Variants in KIF1B observed in about 807,000 individuals in gnomAD.
The protein encoded by KIF1B is kinesin family member 1B, also known as kinesin-like protein KIF1B.
KIF1B carries 76 observed loss-of-function variants against 241.9 expected under a neutral mutation model. The ratio of observed to expected loss-of-function variants is 0.31; its 90% CI spans 0.26 to 0.38. The LOEUF (loss-of-function observed/expected upper bound fraction) is 0.38, where lower values mean the gene tolerates loss of function less well. KIF1B is among the 10% of genes least tolerant of loss of function. KIF1B has a pLI of 1.00. For missense variants in KIF1B, 1,622 were observed against 2,271.4 expected (o/e 0.71, Z 5.81); for synonymous variants, 750 against 796.7 (o/e 0.94, Z 0.99).
chr1:10,292,278 T>G, intron 17 of KIF1B, 156 bp downstream of exon 17: 1 of 680,036 alleles, frequency 1.5e-6, no homozygotes, highest in Non-Finnish European at 2.6e-6. Context: ...TAGAGCATGG[T>G]CTTATAGTAC....
At chr1:10,265,475 A>G (rs1043370178) in intron 5 of KIF1B, among the ~76,000 whole-genome samples, 5 of 152,040 alleles carry the variant, frequency 3.3e-5, no homozygotes, top group Admixed American at 1.3e-4. Context: ...AGCTCAAGCA[A>G]TCTGCCCACC....
chr1:10,240,609 T>C (rs566927946), intron 2 of KIF1B, among the ~76,000 whole-genome samples: 9 of 152,292 alleles, frequency 5.9e-5, no homozygotes, highest in African/African-American at 2.2e-4. Flanking sequence ...GAAGATGTTA[T>C]GGAAATTACC....
At chr1:10,269,690 T>A (rs767469406) in intron 7 of KIF1B, among the ~76,000 whole-genome samples, 1 of 150,032 alleles carries the variant, frequency 6.7e-6, no homozygotes, top group Non-Finnish European at 1.5e-5. Context: ...TCATGGTGTG[T>A]GCCGGTAATC....
intron 2 of KIF1B, among the ~76,000 whole-genome samples, chr1:10,240,232 G>A (rs116817107): frequency 0.019 from 2,846 of 150,482 alleles, 41 homozygotes; most frequent in Non-Finnish European, 0.028. Context: ...TTTATGAGGC[G>A]GAGTCTCACT....
At chr1:10,295,019 C>T in intron 17 of KIF1B, 67 bp from the exon 18 acceptor site, 2 of 1,004,056 alleles carry the variant, frequency 2.0e-6, no homozygotes, top group East Asian at 4.8e-5. Flanking sequence ...CTCTTGTAGG[C>T]CCCTGTTGTT....
chr1:10,263,270 CAAA>C (rs796479599), intron 5 of KIF1B, among the ~76,000 whole-genome samples: 15 of 139,744 alleles, frequency 1.1e-4, no homozygotes. Context: ...GAGTCTGTCT[CAAA>C]AAAAAAATAA....
chr1:10,290,617 G>A (rs1649947269), intron 15 of KIF1B, among the ~76,000 whole-genome samples: 1 of 152,012 alleles, frequency 6.6e-6, no homozygotes, highest in Admixed American at 6.5e-5. Context: ...GAGTAGCTGG[G>A]ATTACAGGCG....
intron 45 of KIF1B, among the ~76,000 whole-genome samples, chr1:10,372,872 G>A (rs1638784342): frequency 6.6e-6 from 1 of 151,420 alleles, no homozygotes; most frequent in Non-Finnish European, 1.5e-5. Flanking sequence ...AGAGTGTAGT[G>A]GTGCAATCTT....
intron 41 of KIF1B, among the ~76,000 whole-genome samples, chr1:10,364,379 A>G (rs1458148528): frequency 6.6e-6 from 1 of 151,370 alleles, no homozygotes; most frequent in African/African-American, 2.4e-5. Flanking sequence ...TAATTTTTGT[A>G]TTTTTAGTAG....
intron 2 of KIF1B, among the ~76,000 whole-genome samples, chr1:10,250,737 G>A (rs1647390623): frequency 6.6e-6 from 1 of 152,140 alleles, no homozygotes. Context: ...GAGGTGAGAG[G>A]TTCACTTGAG....
chr1:10,308,604 G>C lies in KIF1B; in HGVS notation c.2115+11358G>C, dbSNP rs111832007. ...AGTTGAAGTCATCTTTTAAGAGTGTGATTTCTCTCTATGTGGGAAGAGGGA... is the reference window on the plus strand; with the variant it reads ...AGTTGAAGTCATCTTTTAAGAGTGTCATTTCTCTCTATGTGGGAAGAGGGA... On this transcript the variant is annotated intron_variant, in intron 22 of 48. Coordinates refer to ENST00000676179, the MANE Select transcript of KIF1B (RefSeq NM_001365951.3). 1.1e-4 allele frequency: 108 copies of C among 1,013,882 alleles called. No individual in the cohort carries two copies. In the African/African-American group the frequency reaches 1.7e-3, roughly 16 times the overall value. The allele number at this position is 1,013,882 out of a possible 1,614,324, so 62.8% of individuals were successfully genotyped here.
Position 10,337,326 on chromosome 1 carries a change from T to C in KIF1B, c.3260-45T>C. On this transcript the variant is annotated intron_variant, in intron 30 of 48. Transcript: ENST00000676179. The surrounding 1 kb of genome is among the most constrained non-coding windows in gnomAD (Gnocchi z 4.0). Reference sequence around the variant, plus strand: ...GGAAAGCATGCCCAACTCCCTCCTCTTTGCATTATTTGAACCATCTGTGTC... The same window carrying C: ...GGAAAGCATGCCCAACTCCCTCCTCCTTGCATTATTTGAACCATCTGTGTC... 6.2e-7 allele frequency: 1 copy of C among 1,613,896 alleles called. No individual in the cohort carries two copies. The highest frequency in any genetic ancestry group is 8.5e-7 in the Non-Finnish European group (1 of 1,179,740).
chr1:10,311,215 CTT>C lies in KIF1B; in HGVS notation c.2116-8812_2116-8811del, dbSNP rs201700385. On this transcript the variant is annotated intron_variant, in intron 22 of 48. Coordinates refer to ENST00000676179, the MANE Select transcript of KIF1B (RefSeq NM_001365951.3). ...ACGTCCTACTTGCCTACCTCCCATT[CTT>C]TTTTTTTTTTTTTTTGAGATAGAGT... Among the ~76,000 whole-genome samples the C allele has an allele frequency of 5.4e-4, 74 of 136,852 alleles. 1 individual carries two copies. Among genetic ancestry groups the C allele is most frequent in the African/African-American group, 5.7e-4 (21 of 36,560 alleles). 89.8% of individuals were successfully genotyped at this position (136,852 alleles called of 152,430 possible). A position where few individuals can be genotyped will look rare whatever the true frequency, so the allele number is the denominator to read the frequency against.
At chr1:10,369,313 TGC>T (rs1294683688) in intron 44 of KIF1B, among the ~76,000 whole-genome samples, 1 of 152,206 alleles carries the variant, frequency 6.6e-6, no homozygotes, top group Non-Finnish European at 1.5e-5. Context: ...ACATGGAAGG[TGC>T]ACCACTGTAA....
At chr1:10,325,430 C>A (rs1651691305) in intron 26 of KIF1B, among the ~76,000 whole-genome samples, 3 of 151,988 alleles carry the variant, frequency 2.0e-5, no homozygotes, top group African/African-American at 7.3e-5. Flanking sequence ...GTCAAGTGTT[C>A]TTAGAGGTTT....
At chr1:10,334,457 T>C in intron 27 of KIF1B, 63 bp from the exon 28 acceptor site, 1 of 1,236,500 alleles carries the variant, frequency 8.1e-7, no homozygotes, top group Non-Finnish European at 1.2e-6. Context: ...TCTCAGTGAA[T>C]CTGAAAGCCA....
chr1:10,283,477 G>T (rs940838867), intron 15 of KIF1B, among the ~76,000 whole-genome samples: 1 of 152,186 alleles, frequency 6.6e-6, no homozygotes, highest in African/African-American at 2.4e-5. Context: ...TGTCAGGTTC[G>T]ATCTTATCTC....
Position 10,326,378 on chromosome 1 carries a change from A to G in KIF1B, c.2924+19A>G. 6.2e-7 allele frequency: 1 copy of G among 1,613,972 alleles called. No homozygotes were observed. The highest frequency in any genetic ancestry group is 8.5e-7 in the Non-Finnish European group (1 of 1,180,024). ...TGGGAAGGTTGGTGAGGTTATTGTGAGAAAGGCGAAAAGGGACCAGCTCTT... is the reference window on the plus strand; with the variant it reads ...TGGGAAGGTTGGTGAGGTTATTGTGGGAAAGGCGAAAAGGGACCAGCTCTT... On this transcript the variant is annotated intron_variant, in intron 27 of 48. Transcript: ENST00000676179. This position sits in a 1 kb window ranked among gnomAD's most constrained non-coding sequence, Gnocchi z 5.2.
At chr1:10,297,590 T>C (rs1398495812) in intron 22 of KIF1B, among the ~76,000 whole-genome samples, 5 of 152,224 alleles carry the variant, frequency 3.3e-5, no homozygotes, top group Non-Finnish European at 7.3e-5. Context: ...TGATAATTAC[T>C]CTGAATATTG....
Sources: gnomAD v4.1 joint callset for allele counts (sites outside exome capture counted in the v4.1 genomes callset) on GRCh38, gnomAD v4.1.1 for gene constraint, Gnocchi (gnomAD v3.1) non-coding constraint, MANE v1.5 for transcripts, NCBI Gene and HGNC (gene_info 2026-07-23, HGNC 2026-07-21) for gene names.